Variants in SH2D4A observed in about 807,000 individuals in gnomAD.
SH2D4A encodes SH2 domain containing 4A.
SH2D4A carries 70 observed loss-of-function variants against 64.7 expected under a neutral mutation model. The observed-to-expected ratio is 1.08, with a 90% CI of 0.89 to 1.32. The LOEUF (loss-of-function observed/expected upper bound fraction) is 1.32, where lower values mean the gene tolerates loss of function less well. Ranked by LOEUF, SH2D4A falls within the 40% of genes most tolerant of loss-of-function variation. SH2D4A has a pLI of 0.00. For missense variants in SH2D4A, 706 were observed against 540.1 expected (o/e 1.31, Z -3.04); for synonymous variants, 268 against 200.7 (o/e 1.34, Z -2.83).
At chr8:19,357,104 G>T in intron 4 of SH2D4A, 99 bp from the exon 5 acceptor site, 1 of 918,536 alleles carries the variant, frequency 1.1e-6, no homozygotes, top group Non-Finnish European at 1.7e-6. Context: ...CTGTAGGGGC[G>T]GGGGCAGCAT....
Position 19,361,303 on chromosome 8 carries a change from G to A in SH2D4A, c.695G>A (p.Trp232Ter). Residue 232 changes from tryptophan (W) to a stop codon, truncating the protein, a stop_gained, in exon 6 of 10, where the codon TGG becomes TAG. Transcript: ENST00000265807. LOFTEE classifies it high-confidence loss of function. ...ICKSWKEDSEWQASLRKSKAA... is the reference protein window; with the variant it reads ...ICKSWKEDSE ...AAGAGCTGGAAAGAAGACTCGGAAT[G>A]GCAGGCATCTCGTGAGTACCCAGAG... 1 of 1,610,980 alleles carries A rather than the reference G, an allele frequency of 6.2e-7. No homozygotes were observed. Among genetic ancestry groups the A allele is most frequent in the Non-Finnish European group, 8.5e-7 (1 of 1,179,130 alleles).
chr8:19,365,685 A>AT (rs954282637), intron 7 of SH2D4A, among the ~76,000 whole-genome samples: 3 of 152,068 alleles, frequency 2.0e-5, no homozygotes, highest in African/African-American at 7.2e-5. Context: ...CAGTTAGCTC[A>AT]TTTTTTCCAA....
At chr8:19,390,187 C>A (rs1216890419) in intron 8 of SH2D4A, among the ~76,000 whole-genome samples, 1 of 152,126 alleles carries the variant, frequency 6.6e-6, no homozygotes, top group Non-Finnish European at 1.5e-5. Flanking sequence ...TTGAGACCTG[C>A]CTGGCCAACA....
At chr8:19,339,114 A>G (rs1160737540) in intron 4 of SH2D4A, among the ~76,000 whole-genome samples, 1 of 152,196 alleles carries the variant, frequency 6.6e-6, no homozygotes, top group Admixed American at 6.5e-5. Context: ...AAGAGTCCAA[A>G]AGCTGAAGAA....
chr8:19,383,854 A>C (rs1248234432), intron 8 of SH2D4A, among the ~76,000 whole-genome samples: 1 of 152,206 alleles, frequency 6.6e-6, no homozygotes, highest in African/African-American at 2.4e-5. Context: ...TTTAAAATGT[A>C]ATCACTAGAT....
chr8:19,392,703 C>T (rs557661462), intron 8 of SH2D4A, among the ~76,000 whole-genome samples: 2 of 152,014 alleles, frequency 1.3e-5, no homozygotes, highest in Non-Finnish European at 2.9e-5. Flanking sequence ...GTGTGTTGCT[C>T]TAAATGGGTG....
chr8:19,321,019 A>G (rs1366673561), intron 2 of SH2D4A, among the ~76,000 whole-genome samples: 3 of 152,206 alleles, frequency 2.0e-5, no homozygotes, highest in African/African-American at 7.2e-5. Flanking sequence ...CTTTATCATG[A>G]CAAGGAAATA....
intron 4 of SH2D4A, among the ~76,000 whole-genome samples, chr8:19,345,818 G>A (rs1422535972): frequency 6.6e-6 from 1 of 152,170 alleles, no homozygotes; most frequent in African/African-American, 2.4e-5. Context: ...ATTAGTAAAT[G>A]GCTTCATTCA....
intron 6 of SH2D4A, 99 bp downstream of exon 6, chr8:19,361,413 G>C: frequency 8.3e-7 from 1 of 1,210,718 alleles, no homozygotes; most frequent in Non-Finnish European, 1.1e-6. Context: ...GTGGGTTGTT[G>C]AGAGATATGT....
intron 7 of SH2D4A, among the ~76,000 whole-genome samples, chr8:19,369,129 T>C (rs2053051814): frequency 6.6e-6 from 1 of 152,134 alleles, no homozygotes; most frequent in Non-Finnish European, 1.5e-5. Flanking sequence ...TGATGTGTCA[T>C]GTTCATTGAT....
intron 4 of SH2D4A, among the ~76,000 whole-genome samples, chr8:19,340,374 C>A (rs545264934): frequency 6.6e-6 from 1 of 152,208 alleles, no homozygotes; most frequent in East Asian, 1.9e-4. Flanking sequence ...AAGGAGGGAT[C>A]ATTCTTGCAT....
chr8:19,392,907 A>T (rs946755907), intron 8 of SH2D4A, among the ~76,000 whole-genome samples: 2 of 151,744 alleles, frequency 1.3e-5, no homozygotes, highest in African/African-American at 4.8e-5. Context: ...ACGCCCGGCT[A>T]ATTTTTTGTA....
chr8:19,357,038 G>A (rs1171525767), intron 4 of SH2D4A, among the ~76,000 whole-genome samples, 165 bp from the exon 5 acceptor site: 1 of 152,208 alleles, frequency 6.6e-6, no homozygotes, highest in Non-Finnish European at 1.5e-5. Flanking sequence ...GCCCGTTGCT[G>A]TAGTCAGGAT....
chr8:19,333,743 A>C (rs565064035), intron 3 of SH2D4A, among the ~76,000 whole-genome samples: 2 of 152,320 alleles, frequency 1.3e-5, no homozygotes, highest in East Asian at 3.9e-4. Context: ...CAGAAAGTTT[A>C]CCAAGCATAG....
rs141886161 is a variant in SH2D4A at position 19,361,619 on chromosome 8, C to A, written c.706+305C>A. Among the ~76,000 whole-genome samples the A allele has an allele frequency of 2.9e-3, 445 of 152,184 alleles. 4 individuals are homozygous for A. The highest frequency in any genetic ancestry group is 0.01 in the African/African-American group (417 of 41,516). ...TAATGATCTTAGACTGTTTATATCT[C>A]ATTAGCTTGGGGAAGAAAAAACACC... On this transcript the variant is annotated intron_variant, in intron 6 of 9. Transcript: ENST00000265807.
intron 2 of SH2D4A, among the ~76,000 whole-genome samples, chr8:19,322,749 C>T (rs2052213607): frequency 6.7e-6 from 1 of 149,562 alleles, no homozygotes; most frequent in South Asian, 2.1e-4. Context: ...CAACTCACTG[C>T]AACCTCTGCC....
rs1333079099 is a variant in SH2D4A, at chr8:19,394,473, G to A, written c.1273-77G>A. ...TGTGTAAATCATGGGTAGGCAGCTA[G>A]TGATGTCCTCTGAGGAAGTAGGAAG... On this transcript the variant is annotated intron_variant, in intron 9 of 9. Transcript: ENST00000265807. 3 of 965,974 alleles carry A rather than the reference G, an allele frequency of 3.1e-6. No individual in the cohort carries two copies. The South Asian group carries it at 6.3e-5, about 20-fold the overall frequency. 59.8% of individuals were successfully genotyped at this position (965,974 alleles called of 1,614,324 possible). A position where few individuals can be genotyped will look rare whatever the true frequency, so the allele number is the denominator to read the frequency against.
At chr8:19,345,597 G>A (rs1384706374) in intron 4 of SH2D4A, among the ~76,000 whole-genome samples, 2 of 152,264 alleles carry the variant, frequency 1.3e-5, no homozygotes, top group African/African-American at 4.8e-5. Context: ...TCCTGAGCTG[G>A]TTTTCACTAC....
Position 19,334,556 on chromosome 8 carries a change from C to A in SH2D4A, c.342-130C>A. 6 of 951,838 alleles carry A rather than the reference C, an allele frequency of 6.3e-6. No individual in the cohort carries two copies. The South Asian group carries it at 9.0e-5, about 14-fold the overall frequency. The allele number at this position is 951,838 out of a possible 1,614,324, so 59.0% of individuals were successfully genotyped here. A position where few individuals can be genotyped will look rare whatever the true frequency, so the allele number is the denominator to read the frequency against. On this transcript the variant is annotated intron_variant, in intron 3 of 9. Coordinates refer to ENST00000265807, the MANE Select transcript of SH2D4A (RefSeq NM_022071.4). ...TTTACACACCTAGCAAAGGGCCCAGCATGTTAGAAGCACTCAGTAAGTGGT... is the reference window on the plus strand; with the variant it reads ...TTTACACACCTAGCAAAGGGCCCAGAATGTTAGAAGCACTCAGTAAGTGGT...
Sources: allele counts gnomAD v4.1 joint callset (sites outside exome capture counted in the v4.1 genomes callset), GRCh38; gene constraint gnomAD v4.1.1; transcripts MANE v1.5; gene names NCBI Gene and HGNC (gene_info 2026-07-23, HGNC 2026-07-21).